Variants in TPRG1 observed in about 807,000 individuals in gnomAD.
The protein encoded by TPRG1 is tumor protein p63-regulated gene 1 protein.
TPRG1 carries 29 observed loss-of-function variants against 29.3 expected under a neutral mutation model. That is an observed-to-expected ratio of 0.99 (90% confidence interval 0.74 to 1.35). The LOEUF is 1.35. TPRG1 is among the 40% of genes most tolerant of loss of function. The pLI is 0.00. For missense variants in TPRG1, 327 were observed against 335.0 expected, an observed-to-expected ratio of 0.98 and a Z score of 0.19; for synonymous variants, 130 against 116.8, an observed-to-expected ratio of 1.11 and a Z score of -0.73.
intron 3 of TPRG1, among the ~76,000 whole-genome samples, chr3:189,133,250 G>T (rs1258269281): frequency 6.6e-6 from 1 of 152,202 alleles, no homozygotes. Flanking sequence ...GAAGTCTTAT[G>T]CTGTGTGCTA....
intron 5 of TPRG1, among the ~76,000 whole-genome samples, chr3:189,157,299 T>G (rs1726821137): frequency 6.6e-6 from 1 of 152,218 alleles, no homozygotes; most frequent in Non-Finnish European, 1.5e-5. Context: ...TTCCCTGCTG[T>G]CCTATTGGTC....
intron 4 of TPRG1, among the ~76,000 whole-genome samples, chr3:189,249,571 G>A (rs1028059387): frequency 6.6e-6 from 1 of 151,592 alleles, no homozygotes; most frequent in African/African-American, 2.4e-5. Context: ...TGACAGTTAT[G>A]GCCTTAATTA....
At chr3:189,111,683 A>G (rs1427759992) in intron 1 of TPRG1, among the ~76,000 whole-genome samples, 1 of 152,176 alleles carries the variant, frequency 6.6e-6, no homozygotes, top group Non-Finnish European at 1.5e-5. Context: ...AAGCATTTGT[A>G]TACAGTAACA....
chr3:189,085,311 T>G (rs535252239), intron 4 of TPRG1, among the ~76,000 whole-genome samples: 1 of 152,224 alleles, frequency 6.6e-6, no homozygotes, highest in African/African-American at 2.4e-5. Flanking sequence ...TTCATAGACA[T>G]GCAATTCACA....
intron 3 of TPRG1, among the ~76,000 whole-genome samples, chr3:189,217,597 A>G (rs1284878773): frequency 6.6e-6 from 1 of 152,124 alleles, no homozygotes; most frequent in Non-Finnish European, 1.5e-5. Flanking sequence ...TTCTGATTTC[A>G]GTCATTTCTG....
chr3:189,239,155 A>G (rs188529795), intron 4 of TPRG1, among the ~76,000 whole-genome samples: 20 of 152,324 alleles, frequency 1.3e-4, no homozygotes, highest in Non-Finnish European at 2.5e-4. Flanking sequence ...TGGGAATACA[A>G]AAAGGTTTAT....
chr3:189,178,646 TC>T (rs1204396521), intron 1 of TPRG1, among the ~76,000 whole-genome samples: 2 of 152,220 alleles, frequency 1.3e-5, no homozygotes, highest in African/African-American at 2.4e-5. Context: ...TTTTTCAGGC[TC>T]CAGGGGTTGA....
At chr3:189,319,596 G>A (rs181426476) in intron 5 of TPRG1, among the ~76,000 whole-genome samples, 2 of 152,044 alleles carry the variant, frequency 1.3e-5, no homozygotes, top group Non-Finnish European at 2.9e-5. Context: ...AGCCACCGTC[G>A]TATCTTGCCT....
chr3:189,034,320 C>T (rs1408997675), intron 4 of TPRG1, among the ~76,000 whole-genome samples: 1 of 152,136 alleles, frequency 6.6e-6, no homozygotes, highest in Non-Finnish European at 1.5e-5. Context: ...CTTATGTTAT[C>T]TGCATAAGCT....
intron 1 of TPRG1, among the ~76,000 whole-genome samples, chr3:189,201,239 G>A (rs58794554): frequency 0.051 from 7,793 of 152,272 alleles, 669 homozygotes; most frequent in African/African-American, 0.18. Context: ...ATAGATGAGT[G>A]CTGAACAGCC....
At chr3:189,307,430 A>T (rs1721809947) in intron 4 of TPRG1, among the ~76,000 whole-genome samples, 1 of 152,208 alleles carries the variant, frequency 6.6e-6, no homozygotes, top group Non-Finnish European at 1.5e-5. Flanking sequence ...CATATTGAGT[A>T]TATTTAAGAA....
chr3:189,099,133 G>C (rs1345230035), upstream of TPRG1, among the ~76,000 whole-genome samples: 1 of 152,196 alleles, frequency 6.6e-6, no homozygotes, highest in East Asian at 1.9e-4. Context: ...TTGGCAGGCA[G>C]GGCGGCCGAC....
At chr3:189,156,127 A>G (rs1726636673) in intron 5 of TPRG1, among the ~76,000 whole-genome samples, 1 of 152,198 alleles carries the variant, frequency 6.6e-6, no homozygotes, top group Non-Finnish European at 1.5e-5. Flanking sequence ...ATCAATTGTA[A>G]CTCAACAAAG....
chr3:189,011,678 G>A (rs1461537531), intron 3 of TPRG1, among the ~76,000 whole-genome samples: 2 of 152,128 alleles, frequency 1.3e-5, no homozygotes, highest in East Asian at 3.9e-4. Flanking sequence ...CTCCCACTGG[G>A]TCCATCCCAC....
At chr3:189,168,819 C>T (rs1728463635), upstream of TPRG1, among the ~76,000 whole-genome samples, 1 of 152,076 alleles carries the variant, frequency 6.6e-6, no homozygotes. Flanking sequence ...ACCTATTTAC[C>T]CCCAGTGATG....
At chr3:189,021,089 T>C (rs992540182) in intron 3 of TPRG1, among the ~76,000 whole-genome samples, 12 of 146,754 alleles carry the variant, frequency 8.2e-5, no homozygotes, top group Non-Finnish European at 1.7e-4. Context: ...GCTTGGTAGA[T>C]CTTCCTCCAT....
At chr3:189,193,411 A>AAACT (rs1381262883) in intron 1 of TPRG1, among the ~76,000 whole-genome samples, 2 of 152,012 alleles carry the variant, frequency 1.3e-5, no homozygotes, top group African/African-American at 4.8e-5. Flanking sequence ...GGTTTAATCT[A>AAACT]TTTGGGTACT....
intron 3 of TPRG1, among the ~76,000 whole-genome samples, chr3:189,143,564 A>AG (rs1002991130): frequency 6.6e-6 from 1 of 152,158 alleles, no homozygotes; most frequent in Admixed American, 6.5e-5. Flanking sequence ...CTCAACCTGG[A>AG]GGGGGCCAAC....
In TPRG1 at chr3:189,292,882, A is replaced by G. The variant is rs577100574; in HGVS notation, c.480-17504A>G. On this transcript the variant is annotated intron_variant, in intron 4 of 5. Transcript: ENST00000345063. ...GAAGGCTAGGAAGCATTGTTTAGAA[A>G]GGTGTCCTTGGAGGTAAGGGGATGG... Among the ~76,000 whole-genome samples the G allele has an allele frequency of 2.4e-3, 370 of 152,232 alleles. 1 individual carries two copies. Among genetic ancestry groups the G allele is most frequent in the African/African-American group, 8.7e-3 (360 of 41,542 alleles).
Sources: allele counts gnomAD v4.1 joint callset (sites outside exome capture counted in the v4.1 genomes callset), GRCh38; gene constraint gnomAD v4.1.1; transcripts MANE v1.5; gene names NCBI Gene and HGNC (gene_info 2026-07-23, HGNC 2026-07-21).